NRAP: variants seen among roughly 807,000 people sequenced by gnomAD.
The protein encoded by NRAP is nebulin-related-anchoring protein.
In NRAP, 189 loss-of-function variants were observed where a neutral mutation model predicts 225.9. The observed-to-expected ratio is 0.84, with a 90% CI of 0.74 to 0.94. NRAP has a LOEUF of 0.94. Ranked by LOEUF, NRAP falls within the 40% of genes least tolerant of loss-of-function variation. The probability of loss-of-function intolerance (pLI) is 0.00; values close to 1 mark genes in which losing one functional copy is unlikely to be tolerated. For synonymous variants in NRAP, 769 were observed against 790.7 expected, an observed-to-expected ratio of 0.97 and a Z score of 0.46; for missense variants, 2,176 against 2,168.7, an observed-to-expected ratio of 1.00 and a Z score of -0.07.
At position 113,624,919 on chromosome 10, in the gene NRAP, C is replaced by T; in HGVS notation, c.2256G>A (p.Lys752=). 2 of 1,613,004 alleles carry T rather than the reference C, an allele frequency of 1.2e-6. No individual in the cohort carries two copies. Among genetic ancestry groups the T allele is most frequent in the Non-Finnish European group, 1.7e-6 (2 of 1,179,082 alleles). ...SQELQSGVAY[K]AGNEQSVHQY... ...GATGGACAGACTGCTCATTTCCTGC[C>T]TTGTAGGCCACCTGTTGGGAAAGAG... Residue 752 remains lysine (K), a synonymous_variant, in exon 22 of 42, where the codon AAG becomes AAA. Coordinates refer to ENST00000359988, the MANE Select transcript of NRAP (RefSeq NM_198060.4).
chr10:113,600,588 G>A (rs1320897888), intron 35 of NRAP, among the ~76,000 whole-genome samples: 3 of 152,220 alleles, frequency 2.0e-5, no homozygotes, highest in African/African-American at 7.2e-5. Flanking sequence ...ACCAGGTAGT[G>A]GTTAAGAGGA....
intron 4 of NRAP, among the ~76,000 whole-genome samples, chr10:113,655,165 C>T (rs1188608271): frequency 1.3e-5 from 2 of 152,202 alleles, no homozygotes; most frequent in Non-Finnish European, 2.9e-5. Flanking sequence ...ACTTATCTGA[C>T]AATACCAAGT....
chr10:113,616,586 A>G (rs953454383), intron 26 of NRAP, among the ~76,000 whole-genome samples: 5 of 152,180 alleles, frequency 3.3e-5, no homozygotes, highest in Non-Finnish European at 7.3e-5. Context: ...CTAAATCCAT[A>G]AGCTTGTAAA....
At chr10:113,591,328 T>G (rs1394545973) in intron 39 of NRAP, among the ~76,000 whole-genome samples, 2 of 152,234 alleles carry the variant, frequency 1.3e-5, no homozygotes, top group Non-Finnish European at 2.9e-5. Context: ...CCATCTACAG[T>G]GAAGGGCCAG....
At chr10:113,591,045 G>A (rs886127151) in intron 39 of NRAP, among the ~76,000 whole-genome samples, 156 bp from the exon 40 acceptor site, 18 of 152,242 alleles carry the variant, frequency 1.2e-4, no homozygotes, top group African/African-American at 4.3e-4. Flanking sequence ...GTGTGGTCAT[G>A]GGCCTGTTAC....
intron 25 of NRAP, 42 bp from the exon 26 acceptor site, chr10:113,617,595 C>G: frequency 8.9e-7 from 1 of 1,122,964 alleles, no homozygotes; most frequent in Non-Finnish European, 1.4e-6. Flanking sequence ...TTTTGTGCTG[C>G]TCTTTCATGC....
At chr10:113,598,958 A>G (rs990036136) in intron 35 of NRAP, among the ~76,000 whole-genome samples, 2 of 152,186 alleles carry the variant, frequency 1.3e-5, no homozygotes, top group African/African-American at 4.8e-5. Context: ...TCTCATTACT[A>G]TTCCTTGATC....
At chr10:113,653,360 T>C (rs1173822082) in intron 5 of NRAP, among the ~76,000 whole-genome samples, 1 of 152,204 alleles carries the variant, frequency 6.6e-6, no homozygotes, top group African/African-American at 2.4e-5. Flanking sequence ...GTGACTTTCC[T>C]GTAACTCGTC....
At chr10:113,640,684 A>G (rs1849152257) in intron 13 of NRAP, among the ~76,000 whole-genome samples, 1 of 152,010 alleles carries the variant, frequency 6.6e-6, no homozygotes, top group Non-Finnish European at 1.5e-5. Context: ...TCTTCAGAGT[A>G]TTTAATTTTT....
intron 41 of NRAP, chr10:113,589,308 G>T (rs1030536592): frequency 6.6e-5 from 38 of 578,252 alleles, no homozygotes; most frequent in African/African-American, 5.6e-4. Context: ...GAACAAAGTA[G>T]GGTTCAAAAT....
At chr10:113,650,178 C>T (rs746361873) in intron 8 of NRAP, 37 bp from the exon 9 acceptor site, 13 of 1,312,960 alleles carry the variant, frequency 9.9e-6, no homozygotes, top group East Asian at 2.3e-5. Context: ...GTGAATTTGA[C>T]TCCCATGCAC....
At chr10:113,599,021 T>C (rs1456694604) in intron 35 of NRAP, among the ~76,000 whole-genome samples, 2 of 152,224 alleles carry the variant, frequency 1.3e-5, no homozygotes, top group Non-Finnish European at 2.9e-5. Context: ...TCTTCTTCTC[T>C]TTATGGAAAT....
intron 38 of NRAP, among the ~76,000 whole-genome samples, 190 bp downstream of exon 38, chr10:113,595,433 A>T (rs1335316665): frequency 1.3e-5 from 2 of 152,074 alleles, no homozygotes; most frequent in Admixed American, 1.3e-4. Context: ...TTTTGCAGAT[A>T]AAAAAAACAA....
intron 18 of NRAP, 54 bp from the exon 19 acceptor site, chr10:113,629,839 G>A: frequency 8.1e-7 from 1 of 1,237,298 alleles, no homozygotes; most frequent in South Asian, 1.2e-5. Context: ...ACCCTTTGCA[G>A]GAGTGATGTG....
At chr10:113,597,032 C>T in intron 37 of NRAP, 54 bp downstream of exon 37, 1 of 1,202,058 alleles carries the variant, frequency 8.3e-7, no homozygotes, top group East Asian at 2.3e-5. Context: ...ACCCGGACCA[C>T]TGAGCAGCAG....
chr10:113,589,467 C>T, intron 41 of NRAP, 199 bp downstream of exon 41: 1 of 632,694 alleles, frequency 1.6e-6, no homozygotes, highest in Non-Finnish European at 2.7e-6. Flanking sequence ...TCAGAGAAAG[C>T]CCTGCAGGAA....
At chr10:113,655,289 C>A (rs538504646) in intron 4 of NRAP, among the ~76,000 whole-genome samples, 14 of 152,190 alleles carry the variant, frequency 9.2e-5, no homozygotes, top group African/African-American at 2.9e-4. Context: ...AAGGGACATA[C>A]CCTTTGATCT....
At chr10:113,651,781 A>C (rs1325804122) in intron 7 of NRAP, 22 bp downstream of exon 7, 2 of 1,474,364 alleles carry the variant, frequency 1.4e-6, no homozygotes, top group Non-Finnish European at 1.9e-6. Context: ...TCAGTGATGG[A>C]CTGGCCTCCC....
At chr10:113,631,317 T>A (rs577888835) in intron 18 of NRAP, among the ~76,000 whole-genome samples, 192 bp downstream of exon 18, 1 of 152,058 alleles carries the variant, frequency 6.6e-6, no homozygotes, top group African/African-American at 2.4e-5. Context: ...ACACTCCTTA[T>A]CTATTTAAAA....
Sources: gnomAD v4.1 joint callset for allele counts (sites outside exome capture counted in the v4.1 genomes callset) on GRCh38, gnomAD v4.1.1 for gene constraint, MANE v1.5 for transcripts, NCBI Gene and HGNC (gene_info 2026-07-23, HGNC 2026-07-21) for gene names.